DOCK3: variants seen among roughly 807,000 people sequenced by gnomAD.
The protein encoded by DOCK3 is dedicator of cytokinesis 3, also known as dedicator of cytokinesis protein 3.
In DOCK3, 60 loss-of-function variants were observed where a neutral mutation model predicts 265.6. That is an observed-to-expected ratio of 0.23 (90% CI 0.18 to 0.28). The LOEUF (loss-of-function observed/expected upper bound fraction) is 0.28, where lower values mean the gene tolerates loss of function less well. DOCK3 is among the 10% of genes least tolerant of loss of function. The pLI is 1.00. For missense variants in DOCK3, 1,981 were observed against 2,594.3 expected (o/e 0.76, Z 5.14); for synonymous variants, 881 against 938.0 (o/e 0.94, Z 1.11).
chr3:50,751,277 T>C (rs957589843), intron 1 of DOCK3, among the ~76,000 whole-genome samples: 21 of 152,022 alleles, frequency 1.4e-4, no homozygotes, highest in Non-Finnish European at 2.8e-4. Flanking sequence ...TTTTTAACTT[T>C]AAGTTCTGAG....
chr3:50,765,617 T>A (rs1263482724), intron 1 of DOCK3, among the ~76,000 whole-genome samples: 1 of 152,164 alleles, frequency 6.6e-6, no homozygotes, highest in African/African-American at 2.4e-5. Flanking sequence ...AAAAATTAAT[T>A]TTTAAAGTTT....
chr3:51,336,790 T>G, intron 35 of DOCK3: 1 of 442,060 alleles, frequency 2.3e-6, no homozygotes, highest in Admixed American at 2.4e-5. Context: ...TTTAAGGGAC[T>G]TAGCTATGAA....
At chr3:51,090,833 C>G (rs1365390551) in intron 9 of DOCK3, among the ~76,000 whole-genome samples, 1 of 152,122 alleles carries the variant, frequency 6.6e-6, no homozygotes, top group African/African-American at 2.4e-5. Flanking sequence ...GAAAGGAGAG[C>G]ATCTTCTGAG....
intron 9 of DOCK3, among the ~76,000 whole-genome samples, chr3:51,128,672 A>G (rs6775483): frequency 0.91 from 138,798 of 152,234 alleles, 63,422 homozygotes; most frequent in African/African-American, 0.95. Flanking sequence ...AAGAGGTCCA[A>G]TATAATCAAC....
chr3:51,085,026 A>G (rs909093141), intron 7 of DOCK3, among the ~76,000 whole-genome samples: 1 of 152,222 alleles, frequency 6.6e-6, no homozygotes, highest in African/African-American at 2.4e-5. Flanking sequence ...ATGCAATAAT[A>G]GCTATACTTA....
intron 5 of DOCK3, among the ~76,000 whole-genome samples, chr3:50,954,843 C>T (rs950955899): frequency 2.0e-5 from 3 of 152,112 alleles, no homozygotes; most frequent in East Asian, 3.9e-4. Context: ...TCCTATTTGT[C>T]AATTTTTACT....
chr3:51,372,779 A>G (rs1175846940), intron 49 of DOCK3, among the ~76,000 whole-genome samples: 2 of 152,308 alleles, frequency 1.3e-5, no homozygotes, highest in Non-Finnish European at 1.5e-5. Flanking sequence ...ATGCTCAGGA[A>G]GCATTCTGAG....
intron 5 of DOCK3, among the ~76,000 whole-genome samples, chr3:50,938,383 C>A (rs560715179): frequency 9.2e-5 from 14 of 152,184 alleles, no homozygotes; most frequent in Admixed American, 5.2e-4. Context: ...CAATAGTCAT[C>A]AGGAATAGAG....
chr3:50,787,146 C>T lies in DOCK3; in HGVS notation c.121+8388C>T, dbSNP rs769059311. On this transcript the variant is annotated intron_variant, in intron 2 of 52. Transcript: ENST00000266037. ...AATGTTTTTTTCACAGTCTGTTTGC[C>T]GGTGAAGATATAGCTCACTTTCCAG... 1.8e-5 allele frequency: 12 copies of T among 679,356 alleles called. 1 individual carries two copies. The highest frequency in any genetic ancestry group is 3.1e-5 in the South Asian group (2 of 65,076). 42.1% of individuals were successfully genotyped at this position (679,356 alleles called of 1,614,324 possible). A position where few individuals can be genotyped will look rare whatever the true frequency, so the allele number is the denominator to read the frequency against.
At chr3:51,354,760 A>G in intron 40 of DOCK3, 122 bp from the exon 41 acceptor site, 3 of 1,451,404 alleles carry the variant, frequency 2.1e-6, no homozygotes, top group Non-Finnish European at 2.8e-6. Context: ...TGCCTGTCCC[A>G]GGGCCTGATA....
At chr3:50,714,141 A>G (rs1343898096) in intron 1 of DOCK3, among the ~76,000 whole-genome samples, 2 of 152,040 alleles carry the variant, frequency 1.3e-5, no homozygotes, top group Middle Eastern at 3.2e-3. Flanking sequence ...ACAAGCATAC[A>G]CCACCATGCT....
At chr3:50,851,105 A>G (rs978599778) in intron 3 of DOCK3, among the ~76,000 whole-genome samples, 2 of 152,184 alleles carry the variant, frequency 1.3e-5, no homozygotes, top group Non-Finnish European at 2.9e-5. Context: ...AAGAGTGCCT[A>G]GGTGTGGAGA....
At chr3:51,271,352 A>G (rs1395853627) in intron 24 of DOCK3, among the ~76,000 whole-genome samples, 1 of 152,206 alleles carries the variant, frequency 6.6e-6, no homozygotes. Context: ...TCTAAGATCA[A>G]AGCACCAGTA....
chr3:50,978,808 G>A (rs1035420264), intron 5 of DOCK3, among the ~76,000 whole-genome samples: 5 of 152,326 alleles, frequency 3.3e-5, no homozygotes, highest in Non-Finnish European at 5.9e-5. Flanking sequence ...CTCCGTGGGC[G>A]TAGGACCCTC....
chr3:51,097,290 C>G (rs1011059850), intron 9 of DOCK3, among the ~76,000 whole-genome samples: 3 of 152,200 alleles, frequency 2.0e-5, no homozygotes, highest in Non-Finnish European at 2.9e-5. Flanking sequence ...GAGTTTCTTT[C>G]ATAGATGCCC....
intron 5 of DOCK3, among the ~76,000 whole-genome samples, chr3:51,015,242 C>T (rs996087561): frequency 1.3e-5 from 2 of 151,976 alleles, no homozygotes; most frequent in Non-Finnish European, 2.9e-5. Flanking sequence ...GATTTTTCCT[C>T]ATTCAGTATG....
chr3:51,310,501 TA>T (rs2083008963), intron 28 of DOCK3, among the ~76,000 whole-genome samples, 175 bp downstream of exon 28: 1 of 152,216 alleles, frequency 6.6e-6, no homozygotes, highest in South Asian at 2.1e-4. Context: ...GATGGCACAG[TA>T]AGGATAGAGA....
chr3:51,347,015 C>G lies in DOCK3; in HGVS notation c.3916-1837C>G, dbSNP rs374292218. Among the ~76,000 whole-genome samples the G allele has an allele frequency of 7.9e-5, 12 of 152,098 alleles. No homozygotes were observed. The South Asian group carries it at 1.7e-3, about 21-fold the overall frequency. On this transcript the variant is annotated intron_variant, in intron 38 of 52. Coordinates refer to ENST00000266037, the MANE Select transcript of DOCK3 (RefSeq NM_004947.5). ...GATTTTTTCTTGTAAATTTGTTTAACTTCTTTGTAGATTCTGGATATTAGC... is the reference window on the plus strand; with the variant it reads ...GATTTTTTCTTGTAAATTTGTTTAAGTTCTTTGTAGATTCTGGATATTAGC...
chr3:50,930,613 G>A (rs1200241018), intron 4 of DOCK3, among the ~76,000 whole-genome samples: 1 of 152,224 alleles, frequency 6.6e-6, no homozygotes, highest in Admixed American at 6.5e-5. Flanking sequence ...CTCCCTTGGT[G>A]GCTCCAGTGC....
Sources: allele counts gnomAD v4.1 joint callset (sites outside exome capture counted in the v4.1 genomes callset), GRCh38; gene constraint gnomAD v4.1.1; transcripts MANE v1.5; gene names NCBI Gene and HGNC (gene_info 2026-07-23, HGNC 2026-07-21).